Variants in RIMS2 observed in about 807,000 individuals in gnomAD.
The protein encoded by RIMS2 is regulating synaptic membrane exocytosis protein 2.
Under a neutral mutation model 174.4 loss-of-function variants are expected in RIMS2, and 59 were observed. The observed-to-expected ratio is 0.34, with a 90% CI of 0.27 to 0.42. The LOEUF is 0.42. Among genes scored for constraint, RIMS2 ranks in the 10% least tolerant of loss-of-function variants. RIMS2 has a pLI of 1.00. For synonymous variants in RIMS2, 606 were observed against 572.5 expected, an observed-to-expected ratio of 1.06 and a Z score of -0.84; for missense variants, 1,620 against 1,666.3, an observed-to-expected ratio of 0.97 and a Z score of 0.48.
At chr8:104,247,719 GGA>G (rs774737862) in intron 20 of RIMS2, among the ~76,000 whole-genome samples, 4 of 152,138 alleles carry the variant, frequency 2.6e-5, no homozygotes, top group Non-Finnish European at 5.9e-5. Context: ...ACAGGAGCAT[GGA>G]GAGAGTCAGT....
rs182730392 is a variant in RIMS2 at position 103,565,042 on chromosome 8, C to T, written c.176+63980C>T. On this transcript the variant is annotated intron_variant, in intron 1 of 23. Transcript: ENST00000504942. Reference sequence around the variant, plus strand: ...TCATACTTGGGACTTTTACTGGGTTCTATTTATGTTGTCATCTGAGACTTG... The same window carrying T: ...TCATACTTGGGACTTTTACTGGGTTTTATTTATGTTGTCATCTGAGACTTG... 2.8e-3 allele frequency among the ~76,000 whole-genome samples: 421 copies of T among 152,286 alleles called. 1 individual carries two copies. The highest frequency in any genetic ancestry group is 4.3e-3 in the Non-Finnish European group (291 of 68,022).
chr8:103,765,232 A>T (rs2098156322), intron 2 of RIMS2, among the ~76,000 whole-genome samples: 1 of 152,216 alleles, frequency 6.6e-6, no homozygotes, highest in South Asian at 2.1e-4. Context: ...TTTTTAAATG[A>T]TTAATTGAAA....
At chr8:103,566,608 C>A (rs1015506168) in intron 1 of RIMS2, among the ~76,000 whole-genome samples, 1 of 152,104 alleles carries the variant, frequency 6.6e-6, no homozygotes, top group African/African-American at 2.4e-5. Context: ...GGATAGAAAC[C>A]TGTTCCTTCT....
chr8:104,107,753 T>A (rs1035691013), intron 19 of RIMS2, among the ~76,000 whole-genome samples: 1 of 152,132 alleles, frequency 6.6e-6, no homozygotes, highest in Non-Finnish European at 1.5e-5. Context: ...TTCAAGACCA[T>A]CCTGGGCAAC....
chr8:103,885,196 A>G (rs2099192581), intron 3 of RIMS2, 102 bp from the exon 7 acceptor site: 11 of 1,428,846 alleles, frequency 7.7e-6, no homozygotes, highest in Non-Finnish European at 1.0e-5. Context: ...TTAAAAAGGC[A>G]AAAGGACTAC....
intron 1 of RIMS2, among the ~76,000 whole-genome samples, chr8:103,692,661 C>T (rs913082304): frequency 1.3e-5 from 2 of 152,152 alleles, no homozygotes; most frequent in Non-Finnish European, 2.9e-5. Flanking sequence ...CCTTTCTGGC[C>T]CAGAGTATCT....
At chr8:103,502,469 G>A (rs188666878) in intron 1 of RIMS2, among the ~76,000 whole-genome samples, 1 of 152,236 alleles carries the variant, frequency 6.6e-6, no homozygotes, top group Admixed American at 6.5e-5. Flanking sequence ...AATTAAGAAT[G>A]TCTTCATGAA....
intron 15 of RIMS2, among the ~76,000 whole-genome samples, chr8:103,973,621 C>T (rs1161200666): frequency 1.3e-5 from 2 of 152,098 alleles, no homozygotes; most frequent in Non-Finnish European, 1.5e-5. Flanking sequence ...TATCCACAAA[C>T]ATCAGTAAAG....
exon 1 of RIMS2, chr8:103,500,874 G>T: frequency 5.7e-6 from 9 of 1,575,522 alleles, no homozygotes; most frequent in Non-Finnish European, 6.9e-6. Flanking sequence ...AGGGTGGTTC[G>T]GCTCCACCAA....
intron 3 of RIMS2, among the ~76,000 whole-genome samples, chr8:103,771,062 T>C (rs983246460): frequency 6.6e-6 from 1 of 152,214 alleles, no homozygotes; most frequent in African/African-American, 2.4e-5. Context: ...CCTTTTTAAA[T>C]GACTTGTTAT....
At chr8:103,998,265 C>T in intron 17 of RIMS2, 2 of 1,582,318 alleles carry the variant, frequency 1.3e-6, no homozygotes, top group Non-Finnish European at 1.7e-6. Flanking sequence ...ATTTTTCTTA[C>T]AATTGAGTCT....
chr8:103,767,251 G>A (rs889018012), intron 3 of RIMS2, among the ~76,000 whole-genome samples: 3 of 150,374 alleles, frequency 2.0e-5, no homozygotes, highest in East Asian at 3.9e-4. Context: ...GCAGTGGCAC[G>A]ATCTCGGCTC....
At chr8:103,942,791 A>G (rs1595569448) in exon 14 of RIMS2, 2 of 1,612,040 alleles carry the variant, frequency 1.2e-6, no homozygotes. Context: ...TGAATTAGAA[A>G]CAGCATTATT....
intron 19 of RIMS2, among the ~76,000 whole-genome samples, chr8:104,045,238 T>C (rs1480014331): frequency 6.6e-6 from 1 of 151,792 alleles, no homozygotes; most frequent in African/African-American, 2.4e-5. Context: ...AGACCTTCAA[T>C]TGCATTACGA....
intron 19 of RIMS2, among the ~76,000 whole-genome samples, chr8:104,203,878 A>T (rs1017192709): frequency 6.6e-6 from 1 of 152,208 alleles, no homozygotes; most frequent in African/African-American, 2.4e-5. Context: ...TTTCTGAAAC[A>T]TTCAAACGTT....
In RIMS2 at chr8:103,936,649, G is replaced by A. The variant is rs574267282; in HGVS notation, c.2474G>A (p.Arg825Gln). The change falls in exon 13 of 24, where the codon CGG becomes CAG. Residue 825 changes from arginine to glutamine, a missense_variant. Physicochemically the swap from Arg to Gln is conservative, Grantham distance 43. Around this residue, in one of 2 missense-constraint regions of RIMS2, gnomAD observed 1,395 missense variants for 1,360.1 expected, o/e 1.03. Transcript: ENST00000504942. ...TCTCCAGTCCACCGAAGAGAATTTC[G>A]GGAACGAATGCTAGAGATTACCCTT... 3.8e-5 allele frequency: 62 copies of A among 1,611,662 alleles called. No individual in the cohort carries two copies. In the South Asian group the frequency reaches 5.1e-4, roughly 13 times the overall value.
intron 2 of RIMS2, among the ~76,000 whole-genome samples, chr8:103,707,781 G>A (rs1382223609): frequency 6.6e-6 from 1 of 152,194 alleles, no homozygotes; most frequent in Non-Finnish European, 1.5e-5. Context: ...GACTGCAACT[G>A]ATGTTTACTT....
chr8:103,888,226 A>T (rs1411287921), intron 4 of RIMS2, among the ~76,000 whole-genome samples: 1 of 151,588 alleles, frequency 6.6e-6, no homozygotes, highest in Non-Finnish European at 1.5e-5. Context: ...TTCAACAAAT[A>T]GGGTTGGGGA....
chr8:103,854,017 G>A (rs908844609), intron 3 of RIMS2, among the ~76,000 whole-genome samples: 1 of 152,068 alleles, frequency 6.6e-6, no homozygotes, highest in African/African-American at 2.4e-5. Flanking sequence ...TGCAATCCAT[G>A]AGCATGGGAT....
Sources: allele counts gnomAD v4.1 joint callset (sites outside exome capture counted in the v4.1 genomes callset), GRCh38; gene constraint gnomAD v4.1.1; regional missense constraint gnomAD v4.1.1; transcripts MANE v1.5; gene names NCBI Gene and HGNC (gene_info 2026-07-23, HGNC 2026-07-21).